The following CNKSR1 variants were observed in gnomAD, a reference collection of about 807,000 sequenced individuals.
The protein encoded by CNKSR1 is CNK homolog protein 1.
A neutral mutation model predicts 95.6 loss-of-function variants in CNKSR1; 88 were observed. The ratio of observed to expected loss-of-function variants is 0.92; its 90% CI spans 0.78 to 1.10. The LOEUF is 1.10. Ranked by LOEUF, CNKSR1 falls within the 50% of genes least tolerant of loss-of-function variation. CNKSR1 has a pLI of 0.00. For synonymous variants in CNKSR1, 355 were observed against 369.7 expected (o/e 0.96, Z 0.46); for missense variants, 836 against 912.0 (o/e 0.92, Z 1.07).
In CNKSR1 at chr1:26,185,148, C is replaced by T. The variant is rs1487870772; in HGVS notation, c.1270C>T (p.Leu424Phe). 4.5e-6 allele frequency: 7 copies of T among 1,570,898 alleles called. No individual in the cohort carries two copies. The highest frequency in any genetic ancestry group is 6.0e-6 in the Non-Finnish European group (7 of 1,158,378). ...GPRWRRRWFV[L>F]KGHTLYWYRQ... ...GCGCTGGCGCCGCCGCTGGTTTGTG[C>T]TCAAGGGACACACGCTCTACTGGTA... The change falls in exon 14 of 21, where the codon CTC becomes TTC. Residue 424 changes from leucine (L) to phenylalanine (F), a missense_variant. Coordinates refer to ENST00000361530, the MANE Select transcript of CNKSR1 (RefSeq NM_006314.3).
At chr1:26,184,696 A>G (rs2088716784) in intron 13 of CNKSR1, 84 bp downstream of exon 13, 2 of 1,456,490 alleles carry the variant, frequency 1.4e-6, no homozygotes, top group Non-Finnish European at 1.9e-6. Flanking sequence ...GACCACCCCC[A>G]TCCTTCCCAC....
chr1:26,185,248 C>T, intron 14 of CNKSR1, 62 bp downstream of exon 14: 1 of 1,491,926 alleles, frequency 6.7e-7, no homozygotes, highest in East Asian at 2.5e-5. Flanking sequence ...CGATTCTCAT[C>T]TCTATTCTAT....
chr1:26,182,979 C>T (rs1176384665), intron 6 of CNKSR1, among the ~76,000 whole-genome samples: 1 of 152,122 alleles, frequency 6.6e-6, no homozygotes. Context: ...CCTCAGAAAT[C>T]AGGGTCTCCA....
intron 20 of CNKSR1, 94 bp downstream of exon 20, chr1:26,189,047 CA>C: frequency 1.5e-6 from 2 of 1,359,114 alleles, no homozygotes; most frequent in South Asian, 1.2e-5. Context: ...CACCAGACTC[CA>C]GACTCCAGAC....
chr1:26,183,557 G>T, intron 8 of CNKSR1, 143 bp downstream of exon 8: 1 of 1,042,844 alleles, frequency 9.6e-7, no homozygotes, highest in East Asian at 2.4e-5. Context: ...TCTGGTGAGA[G>T]CATCCTCTGC....
Position 26,182,580 on chromosome 1 carries a change from C to T in CNKSR1, c.620C>T (p.Pro207Leu). The stretch of plus-strand genomic sequence containing the variant: ...CTCGAGCAGGTGCAGCTGGACAGTC[C>T]ATTGGTGAGCCCTGCCCTCCCACCT... ...AVLEQVQLDS[P>L]LGLEIHTTSN... is the part of the protein sequence containing the mutation. Residue 207 changes from proline to leucine, a missense_variant, in exon 6 of 21, where the codon CCA becomes CTA. Coordinates refer to ENST00000361530, the MANE Select transcript of CNKSR1 (RefSeq NM_006314.3). 1 of 1,612,082 alleles carries T rather than the reference C, an allele frequency of 6.2e-7. No individual in the cohort carries two copies. Among genetic ancestry groups the T allele is most frequent in the South Asian group, 1.1e-5 (1 of 90,952 alleles).
At chr1:26,188,346 C>G in intron 17 of CNKSR1, 39 bp downstream of exon 17, 4 of 1,612,188 alleles carry the variant, frequency 2.5e-6, no homozygotes, top group Non-Finnish European at 2.5e-6. Context: ...GAACCCTCAC[C>G]TGAGCCTGTG....
chr1:26,189,664 C>T lies in CNKSR1; in HGVS notation c.*116C>T. On this transcript the variant is annotated 3_prime_UTR_variant, in exon 21 of 21. Transcript: ENST00000361530. The stretch of plus-strand genomic sequence containing the variant: ...CTGTTCAGGGTGGGAAGTAGTACTG[C>T]TAGTCATGGTCTCACCCCGAGCTGA... 2.5e-6 allele frequency: 2 copies of T among 785,466 alleles called. No individual in the cohort carries two copies. Among genetic ancestry groups the T allele is most frequent in the South Asian group, 1.3e-5 (1 of 74,488 alleles). The allele number at this position is 785,466 out of a possible 1,614,324, so 48.7% of individuals were successfully genotyped here.
intron 15 of CNKSR1, 82 bp from the exon 16 acceptor site, chr1:26,187,329 G>T: frequency 2.5e-6 from 4 of 1,596,998 alleles, no homozygotes; most frequent in Non-Finnish European, 3.4e-6. Flanking sequence ...TGTGGCAAGT[G>T]GCTGGGGCGC....
At chr1:26,184,350 G>A (rs754282674) in intron 11 of CNKSR1, 51 bp from the exon 12 acceptor site, 2 of 1,604,044 alleles carry the variant, frequency 1.2e-6, no homozygotes, top group Non-Finnish European at 1.7e-6. Flanking sequence ...CTGACCCCAA[G>A]CCTGGGACTG....
chr1:26,178,927 A>G (rs185988056), intron 1 of CNKSR1, among the ~76,000 whole-genome samples: 1 of 152,254 alleles, frequency 6.6e-6, no homozygotes, highest in African/African-American at 2.4e-5. Flanking sequence ...CAGGGAACAC[A>G]CACACACACC....
rs2088726782 is a variant in CNKSR1, at chr1:26,185,141, G to A, written c.1263G>A (p.Trp421Ter). The A allele has an allele frequency of 3.8e-6, 6 of 1,574,758 alleles. No homozygotes were observed. In the Admixed American group the frequency reaches 5.6e-5, roughly 15 times the overall value. The change falls in exon 14 of 21, where the codon TGG becomes TGA. Residue 421 changes from tryptophan (W) to a stop codon, truncating the protein, a stop_gained. Transcript: ENST00000361530. LOFTEE classifies it high-confidence loss of function. ...TGGGCCCGCGCTGGCGCCGCCGCTG[G>A]TTTGTGCTCAAGGGACACACGCTCT... ...GFMGPRWRRR[W>*]FVLKGHTLYW...
At position 26,184,474 on chromosome 1, in the gene CNKSR1, A is replaced by C. The variant is rs201813702; in HGVS notation, c.1074A>C (p.Ala358=). 1.5e-5 allele frequency: 24 copies of C among 1,612,772 alleles called. No homozygotes were observed. Among genetic ancestry groups the C allele is most frequent in the Non-Finnish European group, 1.9e-5 (22 of 1,179,552 alleles). The change falls in exon 12 of 21, where the codon GCA becomes GCC. Residue 358 remains alanine, a synonymous_variant. Transcript: ENST00000361530. ...CAGCCATACTCCCAGCAGGGGTAGC[A>C]GGGACTCCAGGGCTCCCTGAATCCC... ...EPPAILPAGV[A]GTPGLPESPD...
intron 1 of CNKSR1, 158 bp from the exon 2 acceptor site, chr1:26,180,295 A>T (rs2088622061): frequency 1.2e-6 from 1 of 866,742 alleles, no homozygotes; most frequent in African/African-American, 1.7e-5. Flanking sequence ...CTGCTTCTCA[A>T]CTCAGTGGCC....
chr1:26,180,182 G>A (rs566625335), intron 1 of CNKSR1: 1 of 528,010 alleles, frequency 1.9e-6, no homozygotes, highest in East Asian at 3.5e-5. Context: ...GATTCAGCAG[G>A]TGTGGGGTGA....
rs762292285 is a variant in CNKSR1 at position 26,188,438 on chromosome 1, C to G, written c.1529-4C>G. ...CAAAAACCCACTGCTGCTCCTCACC[C>G]CAGACTGCTACAGTGAGACCGAAGC... On this transcript the variant is annotated splice_polypyrimidine_tract_variant and splice_region_variant and intron_variant, in intron 17 of 20. Coordinates refer to ENST00000361530, the MANE Select transcript of CNKSR1 (RefSeq NM_006314.3). 6.2e-7 allele frequency: 1 copy of G among 1,605,328 alleles called. No individual in the cohort carries two copies. The highest frequency in any genetic ancestry group is 8.5e-7 in the Non-Finnish European group (1 of 1,175,960).
chr1:26,188,414 A>G, intron 17 of CNKSR1, 28 bp from the exon 18 acceptor site: 1 of 1,605,352 alleles, frequency 6.2e-7, no homozygotes, highest in Non-Finnish European at 8.5e-7. Context: ...CTGGCCTCCC[A>G]AAAACCCACT....
chr1:26,178,928 C>A (rs1338804302), intron 1 of CNKSR1, among the ~76,000 whole-genome samples: 2 of 152,118 alleles, frequency 1.3e-5, no homozygotes, highest in Non-Finnish European at 2.9e-5. Context: ...AGGGAACACA[C>A]ACACACACCT....
chr1:26,185,313 A>T (rs1411350972), intron 14 of CNKSR1, 127 bp downstream of exon 14: 1 of 1,017,950 alleles, frequency 9.8e-7, no homozygotes, highest in Non-Finnish European at 1.5e-6. Context: ...TAAAATGGGG[A>T]CTTTATTCAG....
Sources: gnomAD v4.1 joint callset for allele counts (sites outside exome capture counted in the v4.1 genomes callset) on GRCh38, gnomAD v4.1.1 for gene constraint, MANE v1.5 for transcripts, NCBI Gene and HGNC (gene_info 2026-07-23, HGNC 2026-07-21) for gene names.